The following KAZN variants were observed in gnomAD, a reference collection of about 807,000 sequenced individuals.
KAZN encodes the protein kazrin.
In KAZN, 40 loss-of-function variants were observed where a neutral mutation model predicts 87.4. That is an observed-to-expected ratio of 0.46 (90% confidence interval 0.36 to 0.60). KAZN has a LOEUF of 0.60. Ranked by LOEUF, KAZN falls within the 20% of genes least tolerant of loss-of-function variation. The pLI is 0.00. For synonymous variants in KAZN, 466 were observed against 458.3 expected, an observed-to-expected ratio of 1.02 and a Z score of -0.22; for missense variants, 898 against 1,073.9, an observed-to-expected ratio of 0.84 and a Z score of 2.29.
intron 2 of KAZN, among the ~76,000 whole-genome samples, chr1:14,482,643 AG>A (rs1669142703): frequency 6.7e-6 from 1 of 148,678 alleles, no homozygotes; most frequent in African/African-American, 2.5e-5. Flanking sequence ...AAAGGGAGGG[AG>A]TTGGGGAGGG....
At chr1:13,982,814 GGGTGCTGATT>G (rs2101083853) in intron 1 of KAZN, among the ~76,000 whole-genome samples, 1 of 152,240 alleles carries the variant, frequency 6.6e-6, no homozygotes, top group Admixed American at 6.5e-5. Context: ...GCTAGACACA[GGGTGCTGATT>G]GGTGCTGATT....
chr1:14,206,906 TG>T (rs1438343684), intron 2 of KAZN, among the ~76,000 whole-genome samples: 1 of 152,088 alleles, frequency 6.6e-6, no homozygotes, highest in African/African-American at 2.4e-5. Context: ...CTGTGATAAA[TG>T]GTAGAGTAAA....
rs1642396326 is a variant in KAZN, at chr1:14,709,857, T to C, written c.226+110634T>C. Among the ~76,000 whole-genome samples, 3 of 152,208 alleles carry C rather than the reference T, an allele frequency of 2.0e-5. No homozygotes were observed. The South Asian group carries it at 6.2e-4, about 32-fold the overall frequency. ...ATTTCCTACTAACTGAGATCAGGTT[T>C]TCTGCTCTGCAATTCACAGATGAGG... On this transcript the variant is annotated intron_variant, in intron 1 of 14. Coordinates refer to ENST00000376030, the MANE Select transcript of KAZN (RefSeq NM_201628.3).
At chr1:14,342,616 C>T (rs1365453222) in intron 2 of KAZN, among the ~76,000 whole-genome samples, 2 of 152,002 alleles carry the variant, frequency 1.3e-5, no homozygotes, top group Non-Finnish European at 2.9e-5. Context: ...ATGCTTGGCA[C>T]ACAGAAAGGG....
intron 2 of KAZN, among the ~76,000 whole-genome samples, chr1:14,404,822 T>C (rs899570166): frequency 6.6e-6 from 1 of 152,186 alleles, no homozygotes; most frequent in Non-Finnish European, 1.5e-5. Flanking sequence ...GTATGTATTG[T>C]AAAAGAGTAA....
intron 1 of KAZN, among the ~76,000 whole-genome samples, chr1:14,780,258 A>T (rs1645293008): frequency 6.6e-6 from 1 of 152,034 alleles, no homozygotes; most frequent in African/African-American, 2.4e-5. Context: ...CTTGGCTGAG[A>T]TGTCACGTCT....
intron 1 of KAZN, among the ~76,000 whole-genome samples, chr1:14,908,137 C>T (rs1656820994): frequency 6.6e-6 from 1 of 152,218 alleles, no homozygotes; most frequent in African/African-American, 2.4e-5. Context: ...GTGGCTCACA[C>T]CTGTAATGCC....
intron 2 of KAZN, among the ~76,000 whole-genome samples, chr1:15,016,842 G>A (rs1480838125): frequency 2.6e-5 from 4 of 152,076 alleles, no homozygotes; most frequent in African/African-American, 9.7e-5. Context: ...CCTCACACAG[G>A]TCTTCACAGA....
At chr1:14,743,899 A>G (rs1644187374) in intron 1 of KAZN, among the ~76,000 whole-genome samples, 1 of 152,192 alleles carries the variant, frequency 6.6e-6, no homozygotes, top group Non-Finnish European at 1.5e-5. Flanking sequence ...TCCATGGAAC[A>G]GAGGGGATCA....
At chr1:14,718,387 C>T (rs989886694) in intron 1 of KAZN, among the ~76,000 whole-genome samples, 1 of 152,204 alleles carries the variant, frequency 6.6e-6, no homozygotes. Flanking sequence ...AGAGTACAGA[C>T]CAGATTTCCC....
intron 1 of KAZN, among the ~76,000 whole-genome samples, chr1:14,925,730 C>G (rs1659095509): frequency 6.6e-6 from 1 of 152,184 alleles, no homozygotes; most frequent in Non-Finnish European, 1.5e-5. Context: ...AAGCCAACCA[C>G]AAGGCCCCCT....
chr1:14,052,885 T>C (rs1642400525), intron 1 of KAZN, among the ~76,000 whole-genome samples: 1 of 152,172 alleles, frequency 6.6e-6, no homozygotes, highest in South Asian at 2.1e-4. Flanking sequence ...TGCAGGCTGA[T>C]GAGGCCCTCA....
intron 1 of KAZN, among the ~76,000 whole-genome samples, chr1:14,632,822 G>A (rs1427521874): frequency 6.6e-6 from 1 of 152,110 alleles, no homozygotes; most frequent in African/African-American, 2.4e-5. Context: ...AGCCAGGTGT[G>A]GACCGTGGCG....
At chr1:14,841,741 T>C (rs1364215183) in intron 1 of KAZN, among the ~76,000 whole-genome samples, 8 of 152,200 alleles carry the variant, frequency 5.3e-5, no homozygotes, top group East Asian at 1.9e-4. Flanking sequence ...TCTCTTTTTT[T>C]CCTTGAGAGC....
chr1:14,293,874 C>T (rs16853880), intron 2 of KAZN, among the ~76,000 whole-genome samples: 22,614 of 151,972 alleles, frequency 0.15, 3,334 homozygotes, highest in African/African-American at 0.38. Context: ...CTCTGAGGGG[C>T]TGAAGATAGC....
At chr1:14,813,084 A>G (rs1010080555) in intron 1 of KAZN, among the ~76,000 whole-genome samples, 2 of 152,038 alleles carry the variant, frequency 1.3e-5, no homozygotes, top group African/African-American at 4.8e-5. Context: ...TCAGATTTGG[A>G]TCTCTGTTTC....
At chr1:14,041,365 AT>A (rs1427077468) in intron 1 of KAZN, among the ~76,000 whole-genome samples, 1 of 151,980 alleles carries the variant, frequency 6.6e-6, no homozygotes, top group Non-Finnish European at 1.5e-5. Context: ...TACCTTTATG[AT>A]TTTATTTCCT....
intron 1 of KAZN, among the ~76,000 whole-genome samples, chr1:13,956,678 G>A (rs1641562498): frequency 6.6e-6 from 1 of 152,032 alleles, no homozygotes; most frequent in African/African-American, 2.4e-5. Flanking sequence ...ATGTGATTGT[G>A]CATATGCTTG....
intron 1 of KAZN, among the ~76,000 whole-genome samples, chr1:13,981,093 A>ATATATATATATATATATG (rs1553181086): frequency 6.4e-5 from 5 of 78,016 alleles, no homozygotes; most frequent in Admixed American, 1.6e-4. Flanking sequence ...TACTCTTTAT[A>ATATATATATATATATATG]TATATATATA....
Sources: gnomAD v4.1 joint callset for allele counts (sites outside exome capture counted in the v4.1 genomes callset) on GRCh38, gnomAD v4.1.1 for gene constraint, MANE v1.5 for transcripts, NCBI Gene and HGNC (gene_info 2026-07-23, HGNC 2026-07-21) for gene names.